The following ARHGEF11 variants were observed in gnomAD, a reference collection of about 807,000 sequenced individuals.
ARHGEF11 encodes the protein Rho guanine nucleotide exchange factor 11, also known as Rho guanine exchange factor (GEF) 11.
Under a neutral mutation model 193.7 loss-of-function variants are expected in ARHGEF11, and 55 were observed. That is an observed-to-expected ratio of 0.28 (90% CI 0.23 to 0.36). ARHGEF11 has a LOEUF of 0.36. ARHGEF11 is among the 10% of genes least tolerant of loss of function. ARHGEF11 has a pLI of 1.00. For synonymous variants in ARHGEF11, 693 were observed against 768.0 expected (o/e 0.90, Z 1.62); for missense variants, 1,723 against 2,005.6 (o/e 0.86, Z 2.69).
At chr1:156,980,903 G>A (rs1325977350) in intron 3 of ARHGEF11, among the ~76,000 whole-genome samples, 3 of 148,836 alleles carry the variant, frequency 2.0e-5, no homozygotes, top group African/African-American at 7.5e-5. Context: ...GAGAAATTCA[G>A]AGAAAAGGAT....
chr1:157,016,169 C>T (rs753680351), intron 1 of ARHGEF11, among the ~76,000 whole-genome samples: 3 of 152,134 alleles, frequency 2.0e-5, no homozygotes, highest in Admixed American at 6.5e-5. Flanking sequence ...CCATTACAGG[C>T]CTGGCACATG....
chr1:157,044,546 C>A lies in ARHGEF11; in HGVS notation c.-216G>T, dbSNP rs915598482. 6 of 424,912 alleles carry A rather than the reference C, an allele frequency of 1.4e-5. No homozygotes were observed. The highest frequency in any genetic ancestry group is 8.2e-5 in the African/African-American group (4 of 48,646). 26.3% of individuals were successfully genotyped at this position (424,912 alleles called of 1,614,324 possible). A position where few individuals can be genotyped will look rare whatever the true frequency, so the allele number is the denominator to read the frequency against. ...TTTCTCAGCCCCTCTTCCCCTCCCC[C>A]GCTTTAAAAAAAAAGAAAAGAAAAG... is the stretch of plus-strand genomic sequence containing the variant. On this transcript the variant is annotated 5_prime_UTR_variant, in exon 1 of 41. Transcript: ENST00000368194.
chr1:156,945,321 G>A, intron 29 of ARHGEF11, 124 bp from the exon 30 acceptor site: 2 of 1,087,170 alleles, frequency 1.8e-6, no homozygotes, highest in Non-Finnish European at 2.6e-6. Flanking sequence ...CGTGGGTGGA[G>A]GGGAGCCACC....
intron 32 of ARHGEF11, 53 bp downstream of exon 32, chr1:156,943,882 T>G: frequency 6.4e-7 from 1 of 1,566,334 alleles, no homozygotes; most frequent in Non-Finnish European, 8.7e-7. Context: ...ACCCAGCACT[T>G]GCTGGACATG....
chr1:157,044,015 G>T (rs1405025174), intron 1 of ARHGEF11, among the ~76,000 whole-genome samples: 1 of 152,004 alleles, frequency 6.6e-6, no homozygotes, highest in East Asian at 1.9e-4. Flanking sequence ...CTCAAATTCA[G>T]CCTCTACCCT....
chr1:157,029,548 A>G (rs1190839665), intron 1 of ARHGEF11, among the ~76,000 whole-genome samples: 1 of 152,146 alleles, frequency 6.6e-6, no homozygotes, highest in East Asian at 1.9e-4. Flanking sequence ...CTGGGATTAC[A>G]GGCGTGAGCC....
chr1:156,936,498 A>AT (rs1655308812), intron 40 of ARHGEF11, among the ~76,000 whole-genome samples: 2 of 35,430 alleles, frequency 5.6e-5, no homozygotes, highest in African/African-American at 2.6e-4. Context: ...AAAAAAAAAA[A>AT]TATATATATA....
intron 11 of ARHGEF11, 158 bp from the exon 12 acceptor site, chr1:156,963,752 G>A: frequency 6.9e-7 from 1 of 1,444,080 alleles, no homozygotes; most frequent in Admixed American, 3.0e-5. Flanking sequence ...TCAGAGCACA[G>A]ATGAAATGAT....
At chr1:156,960,813 T>A (rs993524090) in intron 14 of ARHGEF11, among the ~76,000 whole-genome samples, 4 of 152,188 alleles carry the variant, frequency 2.6e-5, no homozygotes, top group Non-Finnish European at 5.9e-5. Flanking sequence ...ATTAGGCTAT[T>A]TGGTGGACTT....
At chr1:156,961,600 G>T in intron 14 of ARHGEF11, 77 bp downstream of exon 14, 2 of 1,285,382 alleles carry the variant, frequency 1.6e-6, no homozygotes, top group Non-Finnish European at 1.1e-6. Flanking sequence ...TGGCCTGGAT[G>T]TTTTGCTTAA....
At chr1:156,970,141 G>A in intron 8 of ARHGEF11, 98 bp from the exon 9 acceptor site, 1 of 999,798 alleles carries the variant, frequency 1.0e-6, no homozygotes, top group Non-Finnish European at 1.6e-6. Flanking sequence ...ACAATTAGTG[G>A]CCTCTTCCGC....
chr1:156,969,403 A>G, intron 9 of ARHGEF11, 45 bp from the exon 10 acceptor site: 2 of 1,546,836 alleles, frequency 1.3e-6, no homozygotes, highest in Non-Finnish European at 1.8e-6. Flanking sequence ...GCTGTGGCCT[A>G]GGGGAAAGAG....
At chr1:156,971,586 G>A in intron 8 of ARHGEF11, 111 bp downstream of exon 8, 2 of 1,391,132 alleles carry the variant, frequency 1.4e-6, no homozygotes, top group Non-Finnish European at 1.9e-6. Flanking sequence ...TACTAGTTCA[G>A]CCTTGAGGTC....
chr1:157,030,563 T>C (rs1030780061), intron 1 of ARHGEF11, among the ~76,000 whole-genome samples: 7 of 152,116 alleles, frequency 4.6e-5, no homozygotes, highest in African/African-American at 1.7e-4. Flanking sequence ...TCACTGTCTT[T>C]CACTACTGTC....
intron 1 of ARHGEF11, among the ~76,000 whole-genome samples, chr1:157,030,599 T>C (rs1386369406): frequency 6.6e-6 from 1 of 151,996 alleles, no homozygotes; most frequent in Non-Finnish European, 1.5e-5. Context: ...CTGGCTCCCT[T>C]AAGAATTACA....
intron 38 of ARHGEF11, among the ~76,000 whole-genome samples, chr1:156,937,895 A>AGCCCT (rs962178560): frequency 6.6e-6 from 1 of 152,198 alleles, no homozygotes; most frequent in African/African-American, 2.4e-5. Context: ...GATGAACTAC[A>AGCCCT]GCCCTGCCCT....
rs1242960387 is a variant in ARHGEF11 at position 156,936,948 on chromosome 1, C to T, written c.4498G>A (p.Gly1500Ser). Residue 1500 changes from glycine (G) to serine (S), a missense_variant, in exon 40 of 41, where the codon GGC (glycine) becomes AGC (serine). Coordinates refer to ENST00000368194, the MANE Select transcript of ARHGEF11 (RefSeq NM_198236.3). ...LKSLGGESSGGTTPVGSFHTE... is the reference protein window; with the variant it reads ...LKSLGGESSGSTTPVGSFHTE... ...TGGAAACTGCCCACAGGCGTGGTGC[C>T]ACCAGATGACTCTCCCCCAAGGGAC... 6.2e-7 allele frequency: 1 copy of T among 1,614,096 alleles called. No homozygotes were observed. Among genetic ancestry groups the T allele is most frequent in the Non-Finnish European group, 8.5e-7 (1 of 1,180,022 alleles).
At chr1:157,045,961 G>T (rs1407098046), upstream of ARHGEF11, among the ~76,000 whole-genome samples, 1 of 150,564 alleles carries the variant, frequency 6.6e-6, no homozygotes, top group Non-Finnish European at 1.5e-5. Flanking sequence ...GCGGCCGGGG[G>T]CGGGGGCGGG....
chr1:157,039,323 C>G (rs2103082862), intron 1 of ARHGEF11, among the ~76,000 whole-genome samples: 1 of 152,290 alleles, frequency 6.6e-6, no homozygotes, highest in African/African-American at 2.4e-5. Context: ...GCCTAATTCC[C>G]TCATTTTTCC....
Sources: gnomAD v4.1 joint callset for allele counts (sites outside exome capture counted in the v4.1 genomes callset) on GRCh38, gnomAD v4.1.1 for gene constraint, MANE v1.5 for transcripts, NCBI Gene and HGNC (gene_info 2026-07-23, HGNC 2026-07-21) for gene names.